The following FABP6 variants were observed in gnomAD, a reference collection of about 807,000 sequenced individuals.
FABP6 encodes the protein fatty acid binding protein 6.
A neutral mutation model predicts 14.9 loss-of-function variants in FABP6; 13 were observed. The observed-to-expected ratio is 0.87, with a 90% CI of 0.57 to 1.39. The LOEUF (loss-of-function observed/expected upper bound fraction) is 1.39, where lower values mean the gene tolerates loss of function less well. Ranked by LOEUF, FABP6 falls within the 40% of genes most tolerant of loss-of-function variation. The pLI is 0.00. For synonymous variants in FABP6, 75 were observed against 63.6 expected (o/e 1.18, Z -0.85); for missense variants, 161 against 167.2 (o/e 0.96, Z 0.20).
upstream of FABP6, among the ~76,000 whole-genome samples, chr5:160,228,072 T>C (rs577955860): frequency 3.0e-4 from 45 of 152,072 alleles, no homozygotes; most frequent in African/African-American, 1.0e-3. Flanking sequence ...GAAAAGGAAA[T>C]AGACGTGCAG....
chr5:160,222,120 G>A (rs996911954), intron 3 of FABP6, among the ~76,000 whole-genome samples: 15 of 143,406 alleles, frequency 1.0e-4, no homozygotes, highest in Admixed American at 2.1e-4. Flanking sequence ...TTTAGACAGG[G>A]TCTTTCTCTG....
chr5:160,201,080 G>A (rs557290572), intron 2 of FABP6, among the ~76,000 whole-genome samples: 239 of 152,258 alleles, frequency 1.6e-3, no homozygotes, highest in Admixed American at 3.6e-3. Flanking sequence ...TTTGAGTTGG[G>A]TGCCATGGCT....
chr5:160,219,887 G>A (rs954758692), intron 3 of FABP6, among the ~76,000 whole-genome samples: 8 of 152,066 alleles, frequency 5.3e-5, no homozygotes, highest in African/African-American at 1.9e-4. Flanking sequence ...CAGAATTTTG[G>A]GGGGTCAGGT....
intron 2 of FABP6, among the ~76,000 whole-genome samples, chr5:160,201,168 C>A (rs1231968010): frequency 6.6e-6 from 1 of 151,676 alleles, no homozygotes; most frequent in Non-Finnish European, 1.5e-5. Context: ...CCAGCCTTGG[C>A]AACATGGCAA....
intron 2 of FABP6, among the ~76,000 whole-genome samples, chr5:160,208,816 G>GCTGGAGTCACA (rs1759824529): frequency 1.4e-5 from 2 of 142,794 alleles, no homozygotes; most frequent in African/African-American, 5.2e-5. Context: ...TCACTCTGTT[G>GCTGGAGTCACA]CCCAGGCTGG....
At chr5:160,208,794 T>C (rs1438843583) in intron 2 of FABP6, among the ~76,000 whole-genome samples, 1 of 151,358 alleles carries the variant, frequency 6.6e-6, no homozygotes, top group Non-Finnish European at 1.5e-5. Flanking sequence ...TTTTTTTTTT[T>C]TGTAGGGAGT....
At chr5:160,213,849 T>C in intron 3 of FABP6, 8 of 1,554,116 alleles carry the variant, frequency 5.1e-6, no homozygotes, top group African/African-American at 1.4e-5. Flanking sequence ...AGGGAAGGGT[T>C]CCTGACGTTT....
At chr5:160,210,101 A>C (rs1759856220) in intron 2 of FABP6, among the ~76,000 whole-genome samples, 1 of 152,174 alleles carries the variant, frequency 6.6e-6, no homozygotes, top group Non-Finnish European at 1.5e-5. Context: ...CAGATCACAG[A>C]AAGGGCTCTG....
intron 1 of FABP6, among the ~76,000 whole-genome samples, chr5:160,194,843 C>T (rs1289581051): frequency 6.6e-6 from 1 of 152,218 alleles, no homozygotes; most frequent in Non-Finnish European, 1.5e-5. Flanking sequence ...CCACTCCCTG[C>T]CCACCCCATC....
chr5:160,205,775 C>T (rs766981510), intron 2 of FABP6, among the ~76,000 whole-genome samples: 5 of 152,130 alleles, frequency 3.3e-5, no homozygotes, highest in Non-Finnish European at 7.3e-5. Flanking sequence ...TATGGAAATG[C>T]TGCAGCCATT....
chr5:160,223,618 TTGTCTCACTATATTGCCAGGC>T (rs1313177339), intron 3 of FABP6, among the ~76,000 whole-genome samples: 2 of 151,002 alleles, frequency 1.3e-5, no homozygotes, highest in African/African-American at 4.9e-5. Context: ...AGATGATTTT[TTGTCTCACTATATTGCCAGGC>T]TGGTCTGGAA....
intron 2 of FABP6, among the ~76,000 whole-genome samples, chr5:160,206,655 G>A (rs376598631): frequency 6.6e-6 from 1 of 152,184 alleles, no homozygotes; most frequent in Admixed American, 6.5e-5. Context: ...TGGTTACATC[G>A]ATGGCAACAT....
intron 2 of FABP6, among the ~76,000 whole-genome samples, chr5:160,203,248 G>T (rs1047153876): frequency 1.3e-5 from 2 of 152,126 alleles, no homozygotes; most frequent in Admixed American, 6.6e-5. Context: ...AAGCAGAAAC[G>T]GGGAACAAAA....
intron 3 of FABP6, among the ~76,000 whole-genome samples, chr5:160,222,321 TC>T (rs2113123051): frequency 6.6e-6 from 1 of 152,172 alleles, no homozygotes; most frequent in South Asian, 2.1e-4. Flanking sequence ...TCCTACATTT[TC>T]TTTTCTTCTT....
intron 2 of FABP6, among the ~76,000 whole-genome samples, chr5:160,200,923 G>A (rs900984581): frequency 4.6e-5 from 7 of 152,268 alleles, no homozygotes; most frequent in Admixed American, 3.3e-4. Context: ...TGGAGGCTTC[G>A]TCAGTGTCTG....
intron 3 of FABP6, among the ~76,000 whole-genome samples, chr5:160,224,149 T>C (rs1228666479): frequency 1.3e-5 from 2 of 151,976 alleles, no homozygotes; most frequent in African/African-American, 2.4e-5. Context: ...GGCAGGAGAA[T>C]GGCGTGAACC....
chr5:160,213,087 C>G (rs1759926783), intron 2 of FABP6, among the ~76,000 whole-genome samples: 1 of 152,216 alleles, frequency 6.6e-6, no homozygotes, highest in South Asian at 2.1e-4. Context: ...ACTGTCCACC[C>G]AGAGCAGTTG....
At chr5:160,233,220 T>C (rs1476907765) in intron 2 of FABP6, among the ~76,000 whole-genome samples, 1 of 151,936 alleles carries the variant, frequency 6.6e-6, no homozygotes, top group African/African-American at 2.4e-5. Flanking sequence ...GACCTTGTGA[T>C]CCGCCCACCT....
chr5:160,194,279 G>A (rs971501435), intron 1 of FABP6, among the ~76,000 whole-genome samples: 1 of 152,210 alleles, frequency 6.6e-6, no homozygotes, highest in Admixed American at 6.5e-5. Flanking sequence ...GTTCCTGCTC[G>A]CGCCTCTCCC....
Sources: gnomAD v4.1 joint callset for allele counts (sites outside exome capture counted in the v4.1 genomes callset) on GRCh38, gnomAD v4.1.1 for gene constraint, MANE v1.5 for transcripts, NCBI Gene and HGNC (gene_info 2026-07-23, HGNC 2026-07-21) for gene names.